The following CCDC3 variants were observed in gnomAD, a reference collection of about 807,000 sequenced individuals.
CCDC3 encodes the protein coiled-coil domain-containing protein 3.
CCDC3 carries 24 observed loss-of-function variants against 21.4 expected under a neutral mutation model. That is an observed-to-expected ratio of 1.12 (90% CI 0.81 to 1.58). CCDC3 has a LOEUF of 1.58. Ranked by LOEUF, CCDC3 falls within the 40% of genes most tolerant of loss-of-function variation. The pLI is 0.00. For missense variants in CCDC3, 425 were observed against 360.9 expected (o/e 1.18, Z -1.44); for synonymous variants, 186 against 166.0 (o/e 1.12, Z -0.93).
At chr10:13,009,820 G>C (rs1010641739) in intron 5 of CCDC3, among the ~76,000 whole-genome samples, 1 of 152,144 alleles carries the variant, frequency 6.6e-6, no homozygotes, top group Non-Finnish European at 1.5e-5. Context: ...GCTAACTTGA[G>C]TTAGACAAAA....
chr10:13,059,169 C>T (rs201120279), intron 4 of CCDC3, among the ~76,000 whole-genome samples: 1 of 152,136 alleles, frequency 6.6e-6, no homozygotes, highest in African/African-American at 2.4e-5. Context: ...TAGATATGCC[C>T]TTCTGCATCC....
intron 2 of CCDC3, among the ~76,000 whole-genome samples, chr10:12,902,001 A>C (rs1834100642): frequency 6.6e-6 from 1 of 152,020 alleles, no homozygotes; most frequent in South Asian, 2.1e-4. Context: ...CTCCCTGTGT[A>C]TGTAATGTGT....
At chr10:13,089,916 C>T (rs1328390204) in intron 3 of CCDC3, among the ~76,000 whole-genome samples, 2 of 149,668 alleles carry the variant, frequency 1.3e-5, no homozygotes, top group Admixed American at 6.7e-5. Context: ...TGAGAACATA[C>T]GATGTTTGGT....
intron 2 of CCDC3, among the ~76,000 whole-genome samples, chr10:12,962,980 T>C (rs1564300476): frequency 6.6e-6 from 1 of 152,254 alleles, no homozygotes; most frequent in Admixed American, 6.5e-5. Flanking sequence ...TACATACTTA[T>C]ATACACTATT....
intron 2 of CCDC3, among the ~76,000 whole-genome samples, chr10:12,917,112 G>A (rs1025117819): frequency 6.6e-6 from 1 of 151,444 alleles, no homozygotes; most frequent in Admixed American, 6.6e-5. Flanking sequence ...AAGTGGAGAG[G>A]ATCTCTCTCC....
chr10:13,001,122 C>G, intron 1 of CCDC3, 75 bp downstream of exon 1: 1 of 1,488,332 alleles, frequency 6.7e-7, no homozygotes, highest in East Asian at 2.5e-5. Context: ...AGTTACCGGC[C>G]TGGCTCTAGG....
At chr10:13,074,778 G>A (rs1382558176) in intron 3 of CCDC3, among the ~76,000 whole-genome samples, 8 of 152,068 alleles carry the variant, frequency 5.3e-5, no homozygotes, top group African/African-American at 1.9e-4. Flanking sequence ...AGCTATCTAC[G>A]TTAGACCTGT....
intron 5 of CCDC3, among the ~76,000 whole-genome samples, chr10:13,024,283 G>A (rs535168742): frequency 6.6e-6 from 1 of 151,498 alleles, no homozygotes; most frequent in East Asian, 1.9e-4. Context: ...AGTTTTATAT[G>A]CATCAAACTG....
intron 3 of CCDC3, among the ~76,000 whole-genome samples, chr10:13,084,287 C>CTTTT (rs61688783): frequency 9.8e-6 from 1 of 102,228 alleles, no homozygotes. Context: ...CTTTTCTTTT[C>CTTTT]TTTTTTTTTT....
chr10:12,927,945 A>C (rs1834572058), intron 2 of CCDC3, among the ~76,000 whole-genome samples: 1 of 152,258 alleles, frequency 6.6e-6, no homozygotes, highest in South Asian at 2.1e-4. Context: ...AAAGGACTTC[A>C]GAGGCCCCCT....
chr10:13,006,467 T>C (rs1249925932), upstream of CCDC3, among the ~76,000 whole-genome samples: 1 of 152,244 alleles, frequency 6.6e-6, no homozygotes, highest in Non-Finnish European at 1.5e-5. Flanking sequence ...ATGAGTTCAG[T>C]GGAGATGTGA....
At chr10:12,989,515 G>A (rs1346200827) in intron 2 of CCDC3, among the ~76,000 whole-genome samples, 5 of 152,170 alleles carry the variant, frequency 3.3e-5, no homozygotes, top group Non-Finnish European at 7.4e-5. Flanking sequence ...TCCACCTCCC[G>A]GGTTCAAGCG....
At chr10:12,974,046 A>ATTCCAGAAAGGCCTAGAGG (rs1403259487) in intron 2 of CCDC3, among the ~76,000 whole-genome samples, 1 of 152,234 alleles carries the variant, frequency 6.6e-6, no homozygotes, top group Admixed American at 6.5e-5. Context: ...ACCAGGCAGC[A>ATTCCAGAAAGGCCTAGAGG]TTCCAGAAAG....
At position 12,898,459 on chromosome 10, in the gene CCDC3, A is replaced by C; in HGVS notation, c.770T>G (p.Ile257Ser). The C allele has an allele frequency of 1.2e-6, 2 of 1,611,624 alleles. No homozygotes were observed. The highest frequency in any genetic ancestry group is 1.1e-5 in the South Asian group (1 of 91,012). ...EKLAAGALPH[I>S]NARGPVRPPY... ...GGGGCGCACGGGCCCCCGGGCATTG[A>C]TGTGCGGCAGCGCGCCCGCCGCCAG... Residue 257 changes from isoleucine to serine, a missense_variant, in exon 3 of 3, where the codon ATC becomes AGC. Coordinates refer to ENST00000378825, the MANE Select transcript of CCDC3 (RefSeq NM_031455.4).
chr10:12,992,863 A>G (rs886470977), intron 2 of CCDC3, among the ~76,000 whole-genome samples: 1 of 152,178 alleles, frequency 6.6e-6, no homozygotes, highest in Non-Finnish European at 1.5e-5. Flanking sequence ...GTGGCTACTT[A>G]TTTGGAGGAT....
chr10:12,999,604 T>C (rs1835815338), intron 1 of CCDC3, among the ~76,000 whole-genome samples: 1 of 152,244 alleles, frequency 6.6e-6, no homozygotes, highest in Admixed American at 6.5e-5. Context: ...AAGACAGCCC[T>C]GTGAAATGAA....
At chr10:12,978,411 A>C (rs1835448004) in intron 2 of CCDC3, among the ~76,000 whole-genome samples, 3 of 152,234 alleles carry the variant, frequency 2.0e-5, no homozygotes. Flanking sequence ...GAAATGTGCT[A>C]CTACCCTCCT....
intron 3 of CCDC3, among the ~76,000 whole-genome samples, chr10:13,097,439 G>T (rs560778245): frequency 1.3e-5 from 2 of 152,240 alleles, no homozygotes; most frequent in East Asian, 3.9e-4. Context: ...AAAATTTTTG[G>T]GTGGCTGGGC....
intron 5 of CCDC3, among the ~76,000 whole-genome samples, chr10:13,034,993 T>A (rs1280715299): frequency 1.4e-5 from 2 of 147,212 alleles, no homozygotes; most frequent in African/African-American, 5.1e-5. Context: ...GCCATTACAC[T>A]CCAGTCTGGG....
Sources: gnomAD v4.1 joint callset for allele counts (sites outside exome capture counted in the v4.1 genomes callset) on GRCh38, gnomAD v4.1.1 for gene constraint, MANE v1.5 for transcripts, NCBI Gene and HGNC (gene_info 2026-07-23, HGNC 2026-07-21) for gene names.